Variants in ATG7 observed in about 807,000 individuals in gnomAD.
ATG7 encodes the protein autophagy related 7, also known as ubiquitin-like modifier-activating enzyme ATG7.
ATG7 carries 70 observed loss-of-function variants against 82.4 expected under a neutral mutation model. The observed-to-expected ratio is 0.85, with a 90% CI of 0.70 to 1.04. The LOEUF is 1.04. Among genes scored for constraint, ATG7 ranks in the 50% least tolerant of loss-of-function variants. The pLI is 0.00. For synonymous variants in ATG7, 287 were observed against 313.0 expected (o/e 0.92, Z 0.88); for missense variants, 792 against 864.3 (o/e 0.92, Z 1.05).
chr3:11,406,486 T>A (rs980592121), intron 19 of ATG7, among the ~76,000 whole-genome samples: 2 of 151,944 alleles, frequency 1.3e-5, no homozygotes, highest in Admixed American at 1.3e-4. Flanking sequence ...AAAAAAAAAA[T>A]TTGTAGAGAT....
chr3:11,506,452 T>C (rs2091715366), intron 20 of ATG7, among the ~76,000 whole-genome samples: 1 of 151,156 alleles, frequency 6.6e-6, no homozygotes, highest in Admixed American at 6.6e-5. Context: ...GGTCATCCTA[T>C]GTGCTTATGC....
chr3:11,481,444 A>G lies in ATG7; in HGVS notation c.2079+54518A>G, dbSNP rs376327753. On this transcript the variant is annotated intron_variant, in intron 20 of 20. Coordinates refer to ENST00000693202, the MANE Select transcript of ATG7 (RefSeq NM_001349232.2). ...ATTTCCCCTAGCAAAATGTAAGTGT[A>G]TGTGACTTACCACAAAGACCTAGAA... Among the ~76,000 whole-genome samples the G allele has an allele frequency of 9.2e-5, 14 of 152,354 alleles. No individual in the cohort carries two copies. The East Asian group carries it at 1.9e-3, about 21-fold the overall frequency.
chr3:11,405,921 A>C (rs1412077682), intron 19 of ATG7, among the ~76,000 whole-genome samples: 1 of 151,888 alleles, frequency 6.6e-6, no homozygotes, highest in Non-Finnish European at 1.5e-5. Flanking sequence ...ATCCCACTGC[A>C]CCTGGCCATG....
chr3:11,449,635 G>C (rs915575935), intron 20 of ATG7, among the ~76,000 whole-genome samples: 14 of 152,118 alleles, frequency 9.2e-5, no homozygotes, highest in Admixed American at 1.3e-4. Context: ...TCAGATGAAC[G>C]CTTGGCATAA....
intron 1 of ATG7, among the ~76,000 whole-genome samples, chr3:11,273,338 C>A (rs764181535): frequency 1.2e-4 from 19 of 152,196 alleles, no homozygotes; most frequent in Non-Finnish European, 2.1e-4. Context: ...AAGCTTTCTA[C>A]TTCTGGTTGC....
intron 20 of ATG7, among the ~76,000 whole-genome samples, chr3:11,524,953 A>G (rs2092537998): frequency 6.6e-6 from 1 of 152,168 alleles, no homozygotes; most frequent in African/African-American, 2.4e-5. Context: ...AACCTCGTAT[A>G]TTCTATATTT....
chr3:11,572,999 C>A, the ATG7 span, among the ~76,000 whole-genome samples: 1 of 151,862 alleles, frequency 6.6e-6, no homozygotes, highest in Non-Finnish European at 1.5e-5. Context: ...GAATCCCCCT[C>A]TACTAAAAAT....
intron 20 of ATG7, among the ~76,000 whole-genome samples, chr3:11,502,940 G>A (rs1285720324): frequency 6.6e-6 from 1 of 152,126 alleles, no homozygotes; most frequent in Non-Finnish European, 1.5e-5. Context: ...GGTAAAACAG[G>A]CTTTTGGATT....
chr3:11,553,923 G>C (rs993094827), intron 20 of ATG7, among the ~76,000 whole-genome samples: 1 of 152,194 alleles, frequency 6.6e-6, no homozygotes, highest in African/African-American at 2.4e-5. Context: ...TAGCACTGAG[G>C]TGGCCTTTTG....
At chr3:11,323,571 C>T (rs541744933) in intron 9 of ATG7, among the ~76,000 whole-genome samples, 1 of 152,346 alleles carries the variant, frequency 6.6e-6, no homozygotes, top group South Asian at 2.1e-4. Context: ...AACATTGTCC[C>T]ATTACCAATC....
At chr3:11,364,375 A>G (rs1402040826) in intron 17 of ATG7, among the ~76,000 whole-genome samples, 2 of 152,232 alleles carry the variant, frequency 1.3e-5, no homozygotes, top group Non-Finnish European at 2.9e-5. Flanking sequence ...TTTATTAATC[A>G]GAGCTCCCTC....
chr3:11,431,967 C>T (rs2082933961), intron 20 of ATG7, among the ~76,000 whole-genome samples: 1 of 152,206 alleles, frequency 6.6e-6, no homozygotes. Context: ...CATCCCCTGT[C>T]CATCAGGTAC....
intron 20 of ATG7, among the ~76,000 whole-genome samples, chr3:11,544,351 C>T (rs1366848117): frequency 1.3e-5 from 2 of 152,216 alleles, no homozygotes; most frequent in South Asian, 2.1e-4. Context: ...ATGGTTAACC[C>T]GTGAGGCCCC....
intron 20 of ATG7, among the ~76,000 whole-genome samples, chr3:11,550,288 G>A (rs953434788): frequency 6.6e-6 from 1 of 150,902 alleles, no homozygotes; most frequent in Non-Finnish European, 1.5e-5. Context: ...TTATGAGTAG[G>A]GCTGTGCATC....
intron 20 of ATG7, among the ~76,000 whole-genome samples, chr3:11,447,157 CTT>C (rs908894261): frequency 1.3e-5 from 2 of 152,174 alleles, no homozygotes; most frequent in African/African-American, 4.8e-5. Flanking sequence ...AGCTTGAACT[CTT>C]TTTAGCATAA....
chr3:11,290,343 C>T (rs760179193), intron 3 of ATG7: 38 of 161,266 alleles, frequency 2.4e-4, no homozygotes, highest in Non-Finnish European at 4.4e-4. Flanking sequence ...CATCCCAGCG[C>T]GGTGATGGAG....
chr3:11,511,611 TG>T (rs1241175676), intron 20 of ATG7, among the ~76,000 whole-genome samples: 1 of 152,182 alleles, frequency 6.6e-6, no homozygotes, highest in African/African-American at 2.4e-5. Context: ...CCTCAGCCCT[TG>T]GGCGGTCGAT....
the ATG7 span, among the ~76,000 whole-genome samples, chr3:11,573,233 A>G: frequency 2.3e-5 from 3 of 132,330 alleles, no homozygotes; most frequent in Admixed American, 2.3e-4. Flanking sequence ...ACAGACAGAA[A>G]GAAAAGAAAT....
intron 20 of ATG7, among the ~76,000 whole-genome samples, chr3:11,469,601 G>A (rs992538490): frequency 2.0e-5 from 3 of 152,142 alleles, no homozygotes; most frequent in Admixed American, 6.5e-5. Context: ...TAGGATGGGA[G>A]CTGCATGTCC....
Sources: allele counts gnomAD v4.1 joint callset (sites outside exome capture counted in the v4.1 genomes callset), GRCh38; gene constraint gnomAD v4.1.1; transcripts MANE v1.5; gene names NCBI Gene and HGNC (gene_info 2026-07-23, HGNC 2026-07-21).